KLHL2: variants seen among roughly 807,000 people sequenced by gnomAD.
KLHL2 encodes kelch-like protein 2.
In KLHL2, 15 loss-of-function variants were observed where a neutral mutation model predicts 75.8. That is an observed-to-expected ratio of 0.20 (90% CI 0.13 to 0.30). KLHL2 has a LOEUF of 0.30. KLHL2 is among the 10% of genes least tolerant of loss of function. The probability of loss-of-function intolerance (pLI) is 1.00; values close to 1 mark genes in which losing one functional copy is unlikely to be tolerated. For missense variants in KLHL2, 381 were observed against 741.0 expected, an observed-to-expected ratio of 0.51 and a Z score of 5.64; for synonymous variants, 214 against 251.9, an observed-to-expected ratio of 0.85 and a Z score of 1.42.
chr4:165,318,114 T>C (rs1052323124), intron 14 of KLHL2, 145 bp downstream of exon 14: 1 of 719,042 alleles, frequency 1.4e-6, no homozygotes, highest in Non-Finnish European at 2.3e-6. Context: ...TAACATTGGC[T>C]GTGTATATTC....
intron 5 of KLHL2, among the ~76,000 whole-genome samples, chr4:165,265,108 G>T (rs1742142432): frequency 6.6e-6 from 1 of 151,834 alleles, no homozygotes; most frequent in Admixed American, 6.6e-5. Flanking sequence ...GTTTTAATTT[G>T]CATTTTCCTG....
intron 8 of KLHL2, among the ~76,000 whole-genome samples, chr4:165,304,119 G>T (rs1045685449): frequency 2.0e-5 from 3 of 151,916 alleles, no homozygotes; most frequent in African/African-American, 4.8e-5. Flanking sequence ...CTGAGCTCAT[G>T]ATCTGTCCGC....
At chr4:165,213,582 G>T (rs1049869305) in intron 1 of KLHL2, among the ~76,000 whole-genome samples, 2 of 152,084 alleles carry the variant, frequency 1.3e-5, no homozygotes, top group African/African-American at 4.8e-5. Flanking sequence ...GCATTCCTAT[G>T]GTGTTTGTCA....
At chr4:165,305,371 A>G (rs939494580) in intron 8 of KLHL2, among the ~76,000 whole-genome samples, 1 of 152,070 alleles carries the variant, frequency 6.6e-6, no homozygotes, top group Non-Finnish European at 1.5e-5. Context: ...TCAGAAACTT[A>G]GTTTCTGAAG....
rs533638584 is a variant in KLHL2 at position 165,241,939 on chromosome 4, C to T, written c.381+3040C>T. Among the ~76,000 whole-genome samples, 3 of 152,232 alleles carry T rather than the reference C, an allele frequency of 2.0e-5. No individual in the cohort carries two copies. In the South Asian group the frequency reaches 6.2e-4, roughly 32 times the overall value. On this transcript the variant is annotated intron_variant, in intron 4 of 14. Coordinates refer to ENST00000226725, the MANE Select transcript of KLHL2 (RefSeq NM_007246.4). ...TATAGTCCCTTCTGATTTATACAAG[C>T]AATAGGGCTTTAATTCTTGGCCATT...
chr4:165,234,180 C>T (rs1739138979), intron 3 of KLHL2, among the ~76,000 whole-genome samples: 1 of 152,182 alleles, frequency 6.6e-6, no homozygotes, highest in Non-Finnish European at 1.5e-5. Context: ...CATACTCTGA[C>T]CATCACAGAG....
intron 1 of KLHL2, among the ~76,000 whole-genome samples, chr4:165,217,927 A>T (rs895570519): frequency 6.6e-6 from 1 of 152,198 alleles, no homozygotes; most frequent in African/African-American, 2.4e-5. Context: ...AGCCTTCTTC[A>T]TCTCAATGAA....
chr4:165,210,018 C>T (rs1442856547), intron 1 of KLHL2: 2 of 1,523,454 alleles, frequency 1.3e-6, no homozygotes, highest in African/African-American at 1.4e-5. Flanking sequence ...TACCGGGCCT[C>T]ACTGCCAGAG....
intron 9 of KLHL2, among the ~76,000 whole-genome samples, chr4:165,308,366 AT>A (rs2126552317): frequency 6.6e-6 from 1 of 152,238 alleles, no homozygotes; most frequent in Admixed American, 6.5e-5. Context: ...TTCTTTACTT[AT>A]TGGGTAACTA....
At chr4:165,268,301 T>A (rs976973307) in intron 5 of KLHL2, among the ~76,000 whole-genome samples, 10 of 152,200 alleles carry the variant, frequency 6.6e-5, no homozygotes, top group African/African-American at 9.7e-5. Flanking sequence ...GTTTTTTGTG[T>A]CTCTGTCTCC....
At chr4:165,233,852 G>A (rs1161673867) in intron 3 of KLHL2, among the ~76,000 whole-genome samples, 1 of 152,222 alleles carries the variant, frequency 6.6e-6, no homozygotes, top group East Asian at 1.9e-4. Flanking sequence ...GCCTGTAACA[G>A]CAAATGCCAC....
chr4:165,300,441 A>T lies in KLHL2; in HGVS notation c.921+785A>T, dbSNP rs1025845102. ...TCATCTCATTGCTGTTCCCTGCTGTATACCATTTGATGGTTCCCTGCACAT... is the reference window on the plus strand; with the variant it reads ...TCATCTCATTGCTGTTCCCTGCTGTTTACCATTTGATGGTTCCCTGCACAT... On this transcript the variant is annotated intron_variant, in intron 8 of 14. Coordinates refer to ENST00000226725, the MANE Select transcript of KLHL2 (RefSeq NM_007246.4). Among the ~76,000 whole-genome samples, 3 of 152,212 alleles carry T rather than the reference A, an allele frequency of 2.0e-5. No individual in the cohort carries two copies. In the South Asian group the frequency reaches 6.2e-4, roughly 31 times the overall value.
intron 3 of KLHL2, among the ~76,000 whole-genome samples, chr4:165,229,428 G>T (rs1031255570): frequency 2.0e-5 from 3 of 152,146 alleles, no homozygotes; most frequent in Non-Finnish European, 2.9e-5. Context: ...TGTCACACTT[G>T]AATCCCTTAC....
intron 8 of KLHL2, among the ~76,000 whole-genome samples, chr4:165,303,627 G>A (rs1745511759): frequency 2.6e-5 from 4 of 152,026 alleles, no homozygotes; most frequent in Admixed American, 2.6e-4. Context: ...CATTAGTGCA[G>A]TCTCAGCTCA....
rs889584301 is a variant in KLHL2 at position 165,323,033 on chromosome 4, G to A, written c.*973G>A. 1.3e-5 allele frequency: 2 copies of A among 152,628 alleles called. No individual in the cohort carries two copies. Among genetic ancestry groups the A allele is most frequent in the Admixed American group, 1.3e-4 (2 of 15,284 alleles). 9.5% of individuals were successfully genotyped at this position (152,628 alleles called of 1,614,324 possible). ...TAACAGAAGAGAGAACTTTCTGTGA[G>A]TAGCCATGTGTGTTGATCAGATACA... On this transcript the variant is annotated 3_prime_UTR_variant, in exon 15 of 15. Transcript: ENST00000226725.
intron 9 of KLHL2, among the ~76,000 whole-genome samples, chr4:165,306,730 T>C (rs1185028031): frequency 6.6e-6 from 1 of 152,224 alleles, no homozygotes; most frequent in African/African-American, 2.4e-5. Flanking sequence ...GTTCATGATT[T>C]TTGCCATTTT....
rs1226350684 is a variant in KLHL2, at chr4:165,256,253, G to A, written c.382-6944G>A. On this transcript the variant is annotated intron_variant, in intron 4 of 14. Transcript: ENST00000226725. Reference sequence around the variant, plus strand: ...TGTTTATTGCAGAAAGCATCTCCACGGTAAAAAATGTGCAGCCTTTTATTT... The same window carrying A: ...TGTTTATTGCAGAAAGCATCTCCACAGTAAAAAATGTGCAGCCTTTTATTT... Among the ~76,000 whole-genome samples, 4 of 151,924 alleles carry A rather than the reference G, an allele frequency of 2.6e-5. No homozygotes were observed. In the South Asian group the frequency reaches 6.2e-4, roughly 24 times the overall value.
At chr4:165,236,051 T>G (rs1281710012) in intron 3 of KLHL2, among the ~76,000 whole-genome samples, 7 of 151,874 alleles carry the variant, frequency 4.6e-5, no homozygotes, top group Non-Finnish European at 8.8e-5. Context: ...AATTAGGAGG[T>G]GGCTACATTG....
intron 5 of KLHL2, among the ~76,000 whole-genome samples, chr4:165,292,384 G>T (rs1224654131): frequency 6.6e-6 from 1 of 151,978 alleles, no homozygotes; most frequent in Non-Finnish European, 1.5e-5. Context: ...CCAGGCTTGG[G>T]TGCAGTGGCG....
Sources: gnomAD v4.1 joint callset for allele counts (sites outside exome capture counted in the v4.1 genomes callset) on GRCh38, gnomAD v4.1.1 for gene constraint, MANE v1.5 for transcripts, NCBI Gene and HGNC (gene_info 2026-07-23, HGNC 2026-07-21) for gene names.